Variants in CYB5B observed in about 807,000 individuals in gnomAD.
CYB5B encodes cytochrome b5 type B.
Under a neutral mutation model 21.3 loss-of-function variants are expected in CYB5B, and 14 were observed. That is an observed-to-expected ratio of 0.66 (90% CI 0.43 to 1.03). The LOEUF (loss-of-function observed/expected upper bound fraction) is 1.03, where lower values mean the gene tolerates loss of function less well. Among genes scored for constraint, CYB5B ranks in the 50% least tolerant of loss-of-function variants. CYB5B has a pLI of 0.00. For synonymous variants in CYB5B, 69 were observed against 68.4 expected (o/e 1.01, Z -0.04); for missense variants, 166 against 185.1 (o/e 0.90, Z 0.60).
intron 1 of CYB5B, among the ~76,000 whole-genome samples, chr16:69,440,883 TCCCAGG>T (rs1341229338): frequency 6.6e-6 from 1 of 151,924 alleles, no homozygotes; most frequent in Non-Finnish European, 1.5e-5. Flanking sequence ...GGTCATGAAC[TCCCAGG>T]CTCAAGCGAT....
chr16:69,425,227 T>A (rs759288618), intron 1 of CYB5B, among the ~76,000 whole-genome samples: 1 of 152,216 alleles, frequency 6.6e-6, no homozygotes, highest in Non-Finnish European at 1.5e-5. Context: ...AACCTAGGTC[T>A]GAAGTGCACC....
At chr16:69,430,576 C>G (rs1455734212) in intron 1 of CYB5B, among the ~76,000 whole-genome samples, 1 of 151,864 alleles carries the variant, frequency 6.6e-6, no homozygotes, top group Non-Finnish European at 1.5e-5. Context: ...TATTTCCTTA[C>G]TGGGTATTAC....
chr16:69,444,450 T>C (rs1029110093), intron 1 of CYB5B, among the ~76,000 whole-genome samples: 1 of 152,092 alleles, frequency 6.6e-6, no homozygotes, highest in African/African-American at 2.4e-5. Context: ...TGATTCCAAC[T>C]CCTCCAGCTG....
chr16:69,452,758 G>A (rs986138604), intron 3 of CYB5B, among the ~76,000 whole-genome samples: 3 of 151,506 alleles, frequency 2.0e-5, no homozygotes, highest in Non-Finnish European at 4.4e-5. Flanking sequence ...CTTGTAATCC[G>A]AGCACTTTGG....
chr16:69,456,068 A>T (rs1355293863), intron 3 of CYB5B, among the ~76,000 whole-genome samples: 9 of 152,182 alleles, frequency 5.9e-5, no homozygotes, highest in Non-Finnish European at 1.2e-4. Context: ...CTTTATAAAT[A>T]TTCTATTCAG....
At position 69,462,577 on chromosome 16, in the gene CYB5B, G is replaced by C. The variant is rs1597288908; in HGVS notation, c.*57G>C. ...ACTTTGGGGCGAAAACTAGAGACTT[G>C]CTTGGGGGCTGCAGAAGTGCCCTCT... On this transcript the variant is annotated 3_prime_UTR_variant, in exon 5 of 5. Coordinates refer to ENST00000307892, the MANE Select transcript of CYB5B (RefSeq NM_030579.3). 1.4e-6 allele frequency: 2 copies of C among 1,434,972 alleles called. No individual in the cohort carries two copies. The highest frequency in any genetic ancestry group is 2.0e-6 in the Non-Finnish European group (2 of 1,022,214). 88.9% of individuals were successfully genotyped at this position (1,434,972 alleles called of 1,614,324 possible). A position where few individuals can be genotyped will look rare whatever the true frequency, so the allele number is the denominator to read the frequency against.
chr16:69,428,448 G>A (rs1046645988), intron 1 of CYB5B, among the ~76,000 whole-genome samples: 35 of 152,048 alleles, frequency 2.3e-4, no homozygotes, highest in Admixed American at 3.9e-4. Flanking sequence ...TCATGAGGTC[G>A]GGATTGAGAC....
intron 3 of CYB5B, 182 bp downstream of exon 3, chr16:69,448,326 T>G (rs1597284542): frequency 1.5e-6 from 1 of 658,898 alleles, no homozygotes; most frequent in East Asian, 2.8e-5. Flanking sequence ...AGCTGAGTCT[T>G]GAACAGTAGG....
chr16:69,429,542 A>G (rs1168078204), intron 1 of CYB5B, among the ~76,000 whole-genome samples: 1 of 152,196 alleles, frequency 6.6e-6, no homozygotes, highest in East Asian at 1.9e-4. Context: ...TCCACCCAGG[A>G]AGTCCAGCTG....
chr16:69,445,968 A>T (rs192811449), intron 1 of CYB5B, among the ~76,000 whole-genome samples: 3,029 of 151,870 alleles, frequency 0.02, 101 homozygotes, highest in African/African-American at 0.069. Context: ...AAAAAAAAAA[A>T]TTTTTTTTCA....
chr16:69,448,066 T>A, intron 2 of CYB5B, 49 bp from the exon 3 acceptor site: 3 of 1,585,046 alleles, frequency 1.9e-6, no homozygotes, highest in Non-Finnish European at 2.6e-6. Context: ...ATAGTGAGAA[T>A]TCATTTGGCT....
At chr16:69,441,752 A>AT (rs1179602660) in intron 1 of CYB5B, among the ~76,000 whole-genome samples, 2 of 151,768 alleles carry the variant, frequency 1.3e-5, no homozygotes, top group Non-Finnish European at 1.5e-5. Context: ...ATAGAAACTC[A>AT]TTTTTTTTCA....
At chr16:69,445,591 GTATT>G (rs1219939138) in intron 1 of CYB5B, among the ~76,000 whole-genome samples, 1 of 152,104 alleles carries the variant, frequency 6.6e-6, no homozygotes, top group African/African-American at 2.4e-5. Flanking sequence ...TGTTTTTTGA[GTATT>G]TAAGTCAAGG....
At chr16:69,455,567 C>T (rs1260648760) in intron 3 of CYB5B, among the ~76,000 whole-genome samples, 7 of 151,650 alleles carry the variant, frequency 4.6e-5, no homozygotes, top group Admixed American at 3.9e-4. Context: ...ACTGCCATGC[C>T]CAGCTAATTT....
intron 3 of CYB5B, among the ~76,000 whole-genome samples, chr16:69,450,543 A>G (rs955924079): frequency 2.6e-5 from 4 of 152,248 alleles, no homozygotes; most frequent in African/African-American, 9.6e-5. Context: ...ATAGGTTTTT[A>G]TAGAGCTATA....
chr16:69,448,223 A>G (rs548928483), intron 3 of CYB5B, 79 bp downstream of exon 3: 54 of 1,500,862 alleles, frequency 3.6e-5, no homozygotes, highest in Admixed American at 3.8e-5. Context: ...TTTTTTCTTA[A>G]CAAGAGAAGT....
At chr16:69,428,014 T>C (rs1302448975) in intron 1 of CYB5B, among the ~76,000 whole-genome samples, 2 of 148,626 alleles carry the variant, frequency 1.3e-5, no homozygotes, top group Admixed American at 1.3e-4. Flanking sequence ...AAAAAAAGAA[T>C]TGGGGTCCCA....
chr16:69,430,883 G>A (rs2014699102), intron 1 of CYB5B, among the ~76,000 whole-genome samples: 1 of 151,876 alleles, frequency 6.6e-6, no homozygotes, highest in Non-Finnish European at 1.5e-5. Context: ...ATGTTGGCCA[G>A]GCTGGGCTTG....
intron 1 of CYB5B, among the ~76,000 whole-genome samples, chr16:69,444,760 C>G (rs2014860951): frequency 6.7e-6 from 1 of 149,116 alleles, no homozygotes; most frequent in African/African-American, 2.5e-5. Context: ...GCCTACCACA[C>G]AAAATAGTAA....
Sources: allele counts gnomAD v4.1 joint callset (sites outside exome capture counted in the v4.1 genomes callset), GRCh38; gene constraint gnomAD v4.1.1; transcripts MANE v1.5; gene names NCBI Gene and HGNC (gene_info 2026-07-23, HGNC 2026-07-21).